The following DOCK3 variants were observed in gnomAD, a reference collection of about 807,000 sequenced individuals.
DOCK3 encodes dedicator of cytokinesis 3, also known as dedicator of cytokinesis protein 3.
Under a neutral mutation model 265.6 loss-of-function variants are expected in DOCK3, and 60 were observed. The observed-to-expected ratio is 0.23, with a 90% confidence interval of 0.18 to 0.28. The LOEUF (loss-of-function observed/expected upper bound fraction) is 0.28, where lower values mean the gene tolerates loss of function less well. Among genes scored for constraint, DOCK3 ranks in the 10% least tolerant of loss-of-function variants. The pLI is 1.00. For synonymous variants in DOCK3, 881 were observed against 938.0 expected, an observed-to-expected ratio of 0.94 and a Z score of 1.11; for missense variants, 1,981 against 2,594.3, an observed-to-expected ratio of 0.76 and a Z score of 5.14.
At chr3:50,919,012 T>C (rs1262485372) in intron 4 of DOCK3, among the ~76,000 whole-genome samples, 1 of 152,212 alleles carries the variant, frequency 6.6e-6, no homozygotes, top group African/African-American at 2.4e-5. Context: ...ATTTATTAAA[T>C]AGGGAATCCT....
At chr3:51,022,751 T>C (rs1408296626) in intron 5 of DOCK3, among the ~76,000 whole-genome samples, 1 of 152,172 alleles carries the variant, frequency 6.6e-6, no homozygotes, top group African/African-American at 2.4e-5. Flanking sequence ...TTGGTTTTCT[T>C]TGCCTAGGCC....
At chr3:51,060,476 G>T (rs571821069) in intron 5 of DOCK3, among the ~76,000 whole-genome samples, 2 of 152,260 alleles carry the variant, frequency 1.3e-5, no homozygotes, top group South Asian at 4.1e-4. Context: ...GCCCATGCCT[G>T]TGTCCTGAAT....
intron 1 of DOCK3, among the ~76,000 whole-genome samples, chr3:50,728,966 T>A (rs988929487): frequency 4.7e-5 from 7 of 147,382 alleles, no homozygotes; most frequent in Admixed American, 4.7e-4. Context: ...TCTAGTGATC[T>A]GCCCGCCTCG....
At chr3:50,847,040 G>C (rs1467391498) in intron 3 of DOCK3, among the ~76,000 whole-genome samples, 1 of 151,616 alleles carries the variant, frequency 6.6e-6, no homozygotes, top group Non-Finnish European at 1.5e-5. Flanking sequence ...GGGTTACTTT[G>C]TTCTTGTTTT....
intron 1 of DOCK3, among the ~76,000 whole-genome samples, chr3:50,742,178 C>T (rs2039086484): frequency 6.6e-6 from 1 of 152,078 alleles, no homozygotes; most frequent in Admixed American, 6.6e-5. Context: ...AGGACATCCA[C>T]ACCAAAAACC....
intron 1 of DOCK3, among the ~76,000 whole-genome samples, chr3:50,695,372 G>A (rs2035544909): frequency 1.3e-5 from 2 of 152,174 alleles, no homozygotes; most frequent in Admixed American, 1.3e-4. Flanking sequence ...TTCTATCTAA[G>A]TGCACAAGAA....
chr3:50,716,254 G>A (rs557808839), intron 1 of DOCK3, among the ~76,000 whole-genome samples: 61 of 152,196 alleles, frequency 4.0e-4, no homozygotes, highest in African/African-American at 1.3e-3. Flanking sequence ...TTGGCCAGGC[G>A]TGGTGGCTCA....
chr3:51,050,817 AG>A (rs2080966601), intron 5 of DOCK3, among the ~76,000 whole-genome samples: 1 of 152,232 alleles, frequency 6.6e-6, no homozygotes, highest in Non-Finnish European at 1.5e-5. Flanking sequence ...AGAGGTACCC[AG>A]AAAAAATATT....
chr3:50,948,443 T>C (rs1457242801), intron 5 of DOCK3, among the ~76,000 whole-genome samples: 1 of 126,146 alleles, frequency 7.9e-6, no homozygotes, highest in African/African-American at 2.9e-5. Context: ...TCGCTCTGAC[T>C]CCCAGGCTGG....
chr3:50,822,343 T>G (rs1418864037), intron 2 of DOCK3, among the ~76,000 whole-genome samples: 2 of 152,142 alleles, frequency 1.3e-5, no homozygotes, highest in African/African-American at 2.4e-5. Context: ...CTGTTGATTT[T>G]TGTACATCGA....
In DOCK3 at chr3:50,850,152, G is replaced by A. The variant is rs1388064674; in HGVS notation, c.162+8437G>A. ...TCCCAGCACTTTGGGAGGCCGAGGC[G>A]GGTGGATCACCTGAGCTCAGGAGTT... On this transcript the variant is annotated intron_variant, in intron 3 of 52. Coordinates refer to ENST00000266037, the MANE Select transcript of DOCK3 (RefSeq NM_004947.5). Among the ~76,000 whole-genome samples, 15 of 151,632 alleles carry A rather than the reference G, an allele frequency of 9.9e-5. No homozygotes were observed. The South Asian group carries it at 1.0e-3, about 11-fold the overall frequency.
At chr3:50,734,095 A>G (rs560257592) in intron 1 of DOCK3, among the ~76,000 whole-genome samples, 8 of 152,304 alleles carry the variant, frequency 5.3e-5, no homozygotes, top group African/African-American at 1.9e-4. Context: ...GAGATAATAC[A>G]TATGTTAATT....
chr3:51,309,867 C>T (rs956603131), intron 27 of DOCK3, among the ~76,000 whole-genome samples: 1 of 152,248 alleles, frequency 6.6e-6, no homozygotes, highest in African/African-American at 2.4e-5. Flanking sequence ...TACAATCAAA[C>T]GCTCAGGGGC....
At chr3:51,048,430 A>C (rs1402450024) in intron 5 of DOCK3, among the ~76,000 whole-genome samples, 1 of 152,194 alleles carries the variant, frequency 6.6e-6, no homozygotes, top group Non-Finnish European at 1.5e-5. Context: ...GGACTTTGGA[A>C]TATTTGCATA....
chr3:50,711,582 G>A (rs1427815965), intron 1 of DOCK3, among the ~76,000 whole-genome samples: 1 of 151,726 alleles, frequency 6.6e-6, no homozygotes, highest in Non-Finnish European at 1.5e-5. Flanking sequence ...TAATATTGCT[G>A]GTAATATTTT....
At chr3:50,991,775 A>C (rs768551244) in intron 5 of DOCK3, among the ~76,000 whole-genome samples, 8 of 152,208 alleles carry the variant, frequency 5.3e-5, no homozygotes, top group East Asian at 1.9e-4. Context: ...ACCAAAAAAA[A>C]ACAACAGAAT....
chr3:51,149,201 CTT>C (rs1165026992), intron 10 of DOCK3, among the ~76,000 whole-genome samples: 1 of 152,134 alleles, frequency 6.6e-6, no homozygotes, highest in Non-Finnish European at 1.5e-5. Context: ...TGTCCTGAAA[CTT>C]TGCTGAAGTT....
intron 7 of DOCK3, among the ~76,000 whole-genome samples, chr3:51,086,567 G>A (rs1440162115): frequency 3.3e-5 from 5 of 152,230 alleles, no homozygotes; most frequent in Non-Finnish European, 4.4e-5. Context: ...GGAGGCCAAG[G>A]CAGGTGGATC....
chr3:50,898,326 C>A (rs770004948), intron 4 of DOCK3, among the ~76,000 whole-genome samples: 12 of 152,156 alleles, frequency 7.9e-5, no homozygotes, highest in Non-Finnish European at 1.6e-4. Context: ...GTGGGGATAT[C>A]CCCTTTATCA....
Sources: gnomAD v4.1 joint callset for allele counts (sites outside exome capture counted in the v4.1 genomes callset) on GRCh38, gnomAD v4.1.1 for gene constraint, MANE v1.5 for transcripts, NCBI Gene and HGNC (gene_info 2026-07-23, HGNC 2026-07-21) for gene names.